The following SUSD4 variants were observed in gnomAD, a reference collection of about 807,000 sequenced individuals.
The protein encoded by SUSD4 is sushi domain-containing protein 4.
SUSD4 carries 41 observed loss-of-function variants against 50.5 expected under a neutral mutation model. That is an observed-to-expected ratio of 0.81 (90% confidence interval 0.63 to 1.05). The LOEUF (loss-of-function observed/expected upper bound fraction) is 1.05. Among genes scored for constraint, SUSD4 ranks in the 50% least tolerant of loss-of-function variants. The pLI is 0.00. For missense variants in SUSD4, 580 were observed against 634.7 expected (o/e 0.91, Z 0.93); for synonymous variants, 257 against 257.3 (o/e 1.00, Z 0.01).
At chr1:223,315,299 T>A (rs1449203268) in intron 2 of SUSD4, among the ~76,000 whole-genome samples, 1 of 152,248 alleles carries the variant, frequency 6.6e-6, no homozygotes, top group Admixed American at 6.5e-5. Flanking sequence ...AGTGTAGACA[T>A]AAACCATTAC....
intron 3 of SUSD4, among the ~76,000 whole-genome samples, chr1:223,291,493 A>T (rs1347760229): frequency 2.6e-5 from 4 of 150,954 alleles, no homozygotes; most frequent in Admixed American, 6.6e-5. Flanking sequence ...TGTCTCAAAA[A>T]AAAAAAAAAA....
chr1:223,329,460 C>T (rs79831983), intron 2 of SUSD4, among the ~76,000 whole-genome samples: 1 of 152,226 alleles, frequency 6.6e-6, no homozygotes, highest in African/African-American at 2.4e-5. Context: ...AAAGTTCTAA[C>T]TTTCCCTCCT....
intron 2 of SUSD4, among the ~76,000 whole-genome samples, chr1:223,299,893 T>C (rs899327003): frequency 7.9e-5 from 12 of 152,246 alleles, no homozygotes; most frequent in South Asian, 4.2e-4. Context: ...GCTGGAACTA[T>C]ACTACTGGCT....
At chr1:223,347,441 C>T (rs965526414) in intron 2 of SUSD4, among the ~76,000 whole-genome samples, 1 of 152,122 alleles carries the variant, frequency 6.6e-6, no homozygotes, top group Non-Finnish European at 1.5e-5. Context: ...CCCCTCTTCA[C>T]AGTGAGAACA....
intron 2 of SUSD4, among the ~76,000 whole-genome samples, chr1:223,302,017 T>C (rs924063825): frequency 2.0e-5 from 3 of 152,162 alleles, no homozygotes; most frequent in African/African-American, 4.8e-5. Flanking sequence ...TGGTGGGAGA[T>C]GATTGGAACA....
intron 5 of SUSD4, among the ~76,000 whole-genome samples, chr1:223,263,333 A>T (rs1483219525): frequency 6.6e-6 from 1 of 152,234 alleles, no homozygotes; most frequent in East Asian, 1.9e-4. Flanking sequence ...AAAATTCAAG[A>T]CACTCAGTTA....
chr1:223,244,615 G>C (rs1033462967), intron 5 of SUSD4, among the ~76,000 whole-genome samples: 3 of 152,072 alleles, frequency 2.0e-5, no homozygotes, highest in African/African-American at 7.2e-5. Context: ...CCACCCTGAT[G>C]CTACAGATTG....
chr1:223,264,932 G>A lies in SUSD4; in HGVS notation c.536-114C>T, dbSNP rs374314578. ...TTCCCCCACCTCTGAAGGTGAAAAT[G>A]GCACCACCTCTGAAGAATGAAGCAC... is the stretch of plus-strand genomic sequence containing the variant. On this transcript the variant is annotated intron_variant, in intron 4 of 8. Coordinates refer to ENST00000366878, the MANE Select transcript of SUSD4 (RefSeq NM_017982.4). 52 of 1,063,986 alleles carry A rather than the reference G, an allele frequency of 4.9e-5. 2 individuals are homozygous for A. The highest frequency in any genetic ancestry group is 2.8e-4 in the Admixed American group (10 of 36,028). The allele number at this position is 1,063,986 out of a possible 1,614,324, so 65.9% of individuals were successfully genotyped here.
intron 5 of SUSD4, among the ~76,000 whole-genome samples, chr1:223,260,599 G>T (rs1662042678): frequency 1.3e-5 from 2 of 152,166 alleles, no homozygotes; most frequent in African/African-American, 4.8e-5. Flanking sequence ...ACACAGGGAT[G>T]CAGGAAGCTC....
In SUSD4 at chr1:223,360,215, A is replaced by AC. The variant is rs752332148; in HGVS notation, c.148+3062dup. On this transcript the variant is annotated intron_variant, in intron 2 of 8. Coordinates refer to ENST00000366878, the MANE Select transcript of SUSD4 (RefSeq NM_017982.4). The stretch of plus-strand genomic sequence containing the variant: ...CTAAAGAATTCACCTTAAAGGAGTC[A>AC]CTTGTTGAGCAAACTCTTGGCTCTC... 1.6e-4 allele frequency: 73 copies of AC among 470,856 alleles called. 2 individuals carry two copies. The highest frequency in any genetic ancestry group is 1.1e-3 in the South Asian group (72 of 64,512). The allele number at this position is 470,856 out of a possible 1,614,324, so 29.2% of individuals were successfully genotyped here.
rs1345949738 is a variant in SUSD4 at position 223,222,226 on chromosome 1, AAAG to A, written c.1445-9_1445-7del. On this transcript the variant is annotated splice_polypyrimidine_tract_variant and splice_region_variant and intron_variant, in intron 8 of 8. Transcript: ENST00000366878. ...TTCTTCCATTAGAGGAATCTCTGTA[AAAG>A]AAGAGACGGTTATTAGCTTAACATA... is the stretch of plus-strand genomic sequence containing the variant. 2.5e-6 allele frequency: 4 copies of A among 1,613,492 alleles called. No individual in the cohort carries two copies. The highest frequency in any genetic ancestry group is 3.4e-6 in the Non-Finnish European group (4 of 1,179,804).
intron 2 of SUSD4, among the ~76,000 whole-genome samples, chr1:223,341,122 T>C (rs1667732186): frequency 1.3e-5 from 2 of 152,176 alleles, no homozygotes; most frequent in Admixed American, 1.3e-4. Flanking sequence ...GTTGCTGCTG[T>C]TGTAAATTTT....
chr1:223,345,032 T>C (rs1468291682), intron 2 of SUSD4, among the ~76,000 whole-genome samples: 1 of 152,240 alleles, frequency 6.6e-6, no homozygotes, highest in African/African-American at 2.4e-5. Flanking sequence ...AAAGTTAATA[T>C]AAGTAATTTG....
intron 3 of SUSD4, among the ~76,000 whole-genome samples, chr1:223,288,414 T>G (rs149552618): frequency 6.6e-6 from 1 of 152,152 alleles, no homozygotes; most frequent in Non-Finnish European, 1.5e-5. Context: ...TCGTCTCAGA[T>G]AGTATATTTA....
chr1:223,283,501 C>G (rs574925773), intron 3 of SUSD4, among the ~76,000 whole-genome samples: 13 of 152,330 alleles, frequency 8.5e-5, no homozygotes, highest in Middle Eastern at 3.4e-3. Flanking sequence ...CACTGGCCAT[C>G]AGAGAAATGC....
intron 2 of SUSD4, among the ~76,000 whole-genome samples, chr1:223,338,148 G>A (rs1307744664): frequency 6.6e-6 from 1 of 152,178 alleles, no homozygotes; most frequent in Non-Finnish European, 1.5e-5. Flanking sequence ...TTATGTAAAC[G>A]TACATGTTTC....
At chr1:223,329,791 T>C (rs1286835910) in intron 2 of SUSD4, among the ~76,000 whole-genome samples, 1 of 151,640 alleles carries the variant, frequency 6.6e-6, no homozygotes, top group Non-Finnish European at 1.5e-5. Context: ...GATGAACAGA[T>C]AGAGAGATGA....
chr1:223,222,272 C>T lies in SUSD4; in HGVS notation c.1445-52G>A, dbSNP rs78401015. 4.8e-4 allele frequency: 757 copies of T among 1,578,720 alleles called. 12 individuals carry two copies. In the South Asian group the frequency reaches 6.2e-3, roughly 13 times the overall value. Reference sequence around the variant, plus strand: ...TTAACATAACCAGAAAACACCATGACGATCTGGAATTATATGCCTCATTAA... The same window carrying T: ...TTAACATAACCAGAAAACACCATGATGATCTGGAATTATATGCCTCATTAA... On this transcript the variant is annotated intron_variant, in intron 8 of 8. Transcript: ENST00000366878.
chr1:223,255,983 T>C (rs1281971349), intron 5 of SUSD4, among the ~76,000 whole-genome samples: 1 of 152,106 alleles, frequency 6.6e-6, no homozygotes, highest in Non-Finnish European at 1.5e-5. Context: ...TGCACAAGAC[T>C]TGAGTCTCTA....
Sources: allele counts gnomAD v4.1 joint callset (sites outside exome capture counted in the v4.1 genomes callset), GRCh38; gene constraint gnomAD v4.1.1; transcripts MANE v1.5; gene names NCBI Gene and HGNC (gene_info 2026-07-23, HGNC 2026-07-21).